The following LSAMP variants were observed in gnomAD, a reference collection of about 807,000 sequenced individuals.
LSAMP encodes limbic system-associated membrane protein.
Under a neutral mutation model 38.6 loss-of-function variants are expected in LSAMP, and 7 were observed. The ratio of observed to expected loss-of-function variants is 0.18; its 90% CI spans 0.10 to 0.34. The LOEUF (loss-of-function observed/expected upper bound fraction) is 0.34. Ranked by LOEUF, LSAMP falls within the 10% of genes least tolerant of loss-of-function variation. The probability of loss-of-function intolerance (pLI) is 1.00; values close to 1 mark genes in which losing one functional copy is unlikely to be tolerated. For synonymous variants in LSAMP, 154 were observed against 166.8 expected, an observed-to-expected ratio of 0.92 and a Z score of 0.59; for missense variants, 313 against 420.0, an observed-to-expected ratio of 0.75 and a Z score of 2.23.
intron 1 of LSAMP, among the ~76,000 whole-genome samples, chr3:116,432,109 A>G (rs1380306490): frequency 6.6e-6 from 1 of 151,928 alleles, no homozygotes; most frequent in African/African-American, 2.4e-5. Context: ...AAATTACGGT[A>G]GCCATTGTGT....
At chr3:116,279,001 T>A (rs2047091438) in intron 1 of LSAMP, among the ~76,000 whole-genome samples, 2 of 152,224 alleles carry the variant, frequency 1.3e-5, no homozygotes, top group Admixed American at 1.3e-4. Context: ...TCGGCAAGTT[T>A]ATGTACCTAG....
chr3:115,919,285 A>G (rs1404591141), intron 3 of LSAMP, among the ~76,000 whole-genome samples: 1 of 152,152 alleles, frequency 6.6e-6, no homozygotes, highest in Non-Finnish European at 1.5e-5. Context: ...AAAGAGTTGC[A>G]GGTGACGTTT....
chr3:115,842,399 T>A lies in LSAMP; in HGVS notation c.770+59A>T, dbSNP rs79344301. The A allele has an allele frequency of 2.1e-3, 3,377 of 1,572,938 alleles. 66 individuals are homozygous for A. In the African/African-American group the frequency reaches 0.042, roughly 20 times the overall value. ...CTTGGCTTTGGCTTTGTTGTGGGGATTCTGGTGTCCCCAGGCCCATGCAGT... is the reference window on the plus strand; with the variant it reads ...CTTGGCTTTGGCTTTGTTGTGGGGAATCTGGTGTCCCCAGGCCCATGCAGT... On this transcript the variant is annotated intron_variant, in intron 5 of 6. Coordinates refer to ENST00000490035, the MANE Select transcript of LSAMP (RefSeq NM_002338.5).
In LSAMP at chr3:116,409,015, G is replaced by A. The variant is rs868598365; in HGVS notation, c.155+35862C>T. The stretch of plus-strand genomic sequence containing the variant: ...AGTGATTTGCCCTTTTTCTACATTG[G>A]TTTCCCCATCTGAGCACCAGAGATC... On this transcript the variant is annotated intron_variant, in intron 1 of 6. Coordinates refer to ENST00000490035, the MANE Select transcript of LSAMP (RefSeq NM_002338.5). Among the ~76,000 whole-genome samples, 18 of 152,096 alleles carry A rather than the reference G, an allele frequency of 1.2e-4. No individual in the cohort carries two copies. The Middle Eastern group carries it at 0.014, about 115-fold the overall frequency.
chr3:116,315,573 G>C (rs189130578), intron 1 of LSAMP, among the ~76,000 whole-genome samples: 1 of 152,016 alleles, frequency 6.6e-6, no homozygotes. Flanking sequence ...AATAATTTAC[G>C]CTTTAAGAAA....
rs537631841 is a variant in LSAMP, at chr3:115,921,453, C to T, written c.515-68836G>A. On this transcript the variant is annotated intron_variant, in intron 3 of 6. Coordinates refer to ENST00000490035, the MANE Select transcript of LSAMP (RefSeq NM_002338.5). ...AAATTCTCCATACTTTCATTTCTCC[C>T]CTCCACACATACGCATGTTATTGAT... 3.5e-4 allele frequency among the ~76,000 whole-genome samples: 53 copies of T among 152,098 alleles called. No homozygotes were observed. In the South Asian group the frequency reaches 1.0e-2, roughly 29 times the overall value.
At chr3:115,840,378 G>A (rs1934958304) in intron 6 of LSAMP, among the ~76,000 whole-genome samples, 1 of 152,010 alleles carries the variant, frequency 6.6e-6, no homozygotes, top group East Asian at 1.9e-4. Context: ...GCCATTTATG[G>A]AATCCTTAAT....
intron 3 of LSAMP, among the ~76,000 whole-genome samples, chr3:115,899,481 A>C (rs989100961): frequency 6.6e-6 from 1 of 152,156 alleles, no homozygotes. Flanking sequence ...ACTTTAAAAA[A>C]CTATTATTAT....
At chr3:115,987,155 T>A (rs989895354) in intron 3 of LSAMP, among the ~76,000 whole-genome samples, 2 of 152,176 alleles carry the variant, frequency 1.3e-5, no homozygotes, top group Non-Finnish European at 2.9e-5. Context: ...TGTTTTGTAT[T>A]TACCATACCT....
At chr3:115,895,421 C>T (rs895018067) in intron 3 of LSAMP, among the ~76,000 whole-genome samples, 1 of 152,046 alleles carries the variant, frequency 6.6e-6, no homozygotes, top group Non-Finnish European at 1.5e-5. Context: ...ACAGGGATGG[C>T]AGAAACGCTG....
At chr3:115,906,848 G>T (rs538220853) in intron 3 of LSAMP, among the ~76,000 whole-genome samples, 128 of 152,270 alleles carry the variant, frequency 8.4e-4, no homozygotes, top group South Asian at 2.1e-3. Context: ...AACTGAATTA[G>T]AGGCAGCTAA....
chr3:116,178,549 CAGAG>C (rs1201938791), intron 1 of LSAMP, among the ~76,000 whole-genome samples: 7 of 152,052 alleles, frequency 4.6e-5, no homozygotes, highest in Admixed American at 6.6e-5. Flanking sequence ...CAGCAACATA[CAGAG>C]AGAGTAGAAG....
At chr3:116,198,544 C>T (rs1387142026) in intron 1 of LSAMP, among the ~76,000 whole-genome samples, 3 of 149,620 alleles carry the variant, frequency 2.0e-5, no homozygotes, top group South Asian at 2.1e-4. Context: ...CCGAGGCTGG[C>T]GGATCACGAG....
intron 2 of LSAMP, among the ~76,000 whole-genome samples, chr3:116,060,285 A>C (rs538317807): frequency 6.6e-6 from 1 of 152,022 alleles, no homozygotes; most frequent in Non-Finnish European, 1.5e-5. Context: ...TCAAAGTAGA[A>C]AGTTGAAAAA....
intron 3 of LSAMP, among the ~76,000 whole-genome samples, chr3:116,008,797 T>C (rs1264310339): frequency 7.2e-5 from 11 of 152,158 alleles, no homozygotes; most frequent in Non-Finnish European, 2.9e-5. Flanking sequence ...CCCTAACTGC[T>C]ATACTTCGAA....
chr3:116,200,579 C>T (rs896935130), intron 1 of LSAMP, among the ~76,000 whole-genome samples: 3 of 152,150 alleles, frequency 2.0e-5, no homozygotes, highest in Non-Finnish European at 2.9e-5. Context: ...ACACATAGCC[C>T]CCAGGGGCTT....
intron 1 of LSAMP, among the ~76,000 whole-genome samples, chr3:116,297,490 C>A (rs1002350570): frequency 2.0e-5 from 3 of 151,760 alleles, no homozygotes; most frequent in Admixed American, 2.0e-4. Context: ...CCTTTGGAAA[C>A]AAAATGACAT....
At chr3:116,366,490 A>G (rs2048355228) in intron 1 of LSAMP, among the ~76,000 whole-genome samples, 1 of 152,154 alleles carries the variant, frequency 6.6e-6, no homozygotes. Context: ...ATCCATTCTC[A>G]GTGGTTCTTT....
chr3:116,082,751 C>T (rs1460645844), intron 2 of LSAMP, among the ~76,000 whole-genome samples: 8 of 152,138 alleles, frequency 5.3e-5, no homozygotes, highest in Admixed American at 3.3e-4. Flanking sequence ...GTAGGTGGGG[C>T]TGTAGGCTAT....
Sources: gnomAD v4.1 joint callset for allele counts (sites outside exome capture counted in the v4.1 genomes callset) on GRCh38, gnomAD v4.1.1 for gene constraint, MANE v1.5 for transcripts, NCBI Gene and HGNC (gene_info 2026-07-23, HGNC 2026-07-21) for gene names.